Variants in NCOR2 observed in about 807,000 individuals in gnomAD.
The protein encoded by NCOR2 is CTG repeat protein 26.
A neutral mutation model predicts 262.9 loss-of-function variants in NCOR2; 81 were observed. The ratio of observed to expected loss-of-function variants is 0.31; its 90% CI spans 0.26 to 0.37. NCOR2 has a LOEUF of 0.37. Ranked by LOEUF, NCOR2 falls within the 10% of genes least tolerant of loss-of-function variation. The pLI is 1.00. For missense variants in NCOR2, 3,385 were observed against 3,621.4 expected (o/e 0.93, Z 1.68); for synonymous variants, 1,659 against 1,559.3 (o/e 1.06, Z -1.51).
At chr12:124,473,180 C>G (rs749233005) in intron 3 of NCOR2, 49 bp from the exon 6 acceptor site, 1 of 1,601,266 alleles carries the variant, frequency 6.2e-7, no homozygotes, top group Admixed American at 1.7e-5. Context: ...GGACACCCCC[C>G]AGTCTGTACA....
chr12:124,325,377 G>GCCCCCGGC, exon 47 of NCOR2: 1 of 246,786 alleles, frequency 4.1e-6, no homozygotes, highest in Non-Finnish European at 6.6e-6. Flanking sequence ...ACCTGACACC[G>GCCCCCGGC]CCCCCCCCCC....
rs140020991 is a variant in NCOR2 at position 124,503,755 on chromosome 12, C to CATGGATGG, written c.-117-8395_-117-8388dup. Among the ~76,000 whole-genome samples, 2 of 146,658 alleles carry CATGGATGG rather than the reference C, an allele frequency of 1.4e-5. No homozygotes were observed. Among genetic ancestry groups the CATGGATGG allele is most frequent in the Admixed American group, 6.8e-5 (1 of 14,808 alleles). On this transcript the variant is annotated intron_variant, in intron 1 of 46. Coordinates refer to the NCOR2 transcript ENST00000404621. The surrounding 1 kb of genome is among the most constrained non-coding windows in gnomAD (Gnocchi z 4.3). ...GGATGGACGGATGGATGCATGGATG[C>CATGGATGG]ATGGATGGATGGATGGATGGATGGG...
intron 1 of NCOR2, among the ~76,000 whole-genome samples, chr12:124,560,247 C>T (rs984826129): frequency 2.0e-5 from 3 of 152,230 alleles, no homozygotes; most frequent in African/African-American, 7.2e-5. Context: ...GTTCTGTAGG[C>T]CTTCCAGCCT....
At chr12:124,558,273 C>CG (rs1361718143) in intron 1 of NCOR2, among the ~76,000 whole-genome samples, 2 of 151,124 alleles carry the variant, frequency 1.3e-5, no homozygotes, top group African/African-American at 4.9e-5. Flanking sequence ...CCCACCCCCC[C>CG]TCCAGACCTG....
At chr12:124,453,387 G>C (rs2045664783) in intron 6 of NCOR2, among the ~76,000 whole-genome samples, 1 of 152,170 alleles carries the variant, frequency 6.6e-6, no homozygotes, top group Non-Finnish European at 1.5e-5. Flanking sequence ...GGTGGTAGGG[G>C]CGGCACCCAG....
chr12:124,401,161 T>C (rs1016239525), intron 14 of NCOR2, among the ~76,000 whole-genome samples: 14 of 150,142 alleles, frequency 9.3e-5, no homozygotes, highest in African/African-American at 3.4e-4. Context: ...CAGTGAGCCA[T>C]GATTATACCA....
intron 1 of NCOR2, among the ~76,000 whole-genome samples, chr12:124,562,630 A>G (rs1184683659): frequency 6.6e-6 from 1 of 152,238 alleles, no homozygotes; most frequent in African/African-American, 2.4e-5. Context: ...CTCAACCGTC[A>G]AGGGCAGAGG....
chr12:124,490,044 G>A (rs1222796864), intron 1 of NCOR2, among the ~76,000 whole-genome samples: 2 of 152,210 alleles, frequency 1.3e-5, no homozygotes, highest in Non-Finnish European at 2.9e-5. Flanking sequence ...CCTAGACCCT[G>A]GCTGCATTCA....
intron 35 of NCOR2, 46 bp downstream of exon 37, chr12:124,340,556 C>T: frequency 1.3e-6 from 2 of 1,520,462 alleles, no homozygotes; most frequent in Non-Finnish European, 1.8e-6. Flanking sequence ...CCAGCCGCCT[C>T]CCATGGATGC....
At chr12:124,410,938 T>G (rs1184961568) in intron 13 of NCOR2, among the ~76,000 whole-genome samples, 1 of 126,988 alleles carries the variant, frequency 7.9e-6, no homozygotes, top group African/African-American at 3.0e-5. Context: ...GGGGCTGTAG[T>G]GGGAGGGAGG....
intron 1 of NCOR2, among the ~76,000 whole-genome samples, chr12:124,509,765 C>T (rs1713115870): frequency 6.6e-6 from 1 of 152,178 alleles, no homozygotes; most frequent in South Asian, 2.1e-4. Context: ...CTGTCAGTGG[C>T]TCTCATGGGT....
At chr12:124,327,654 G>A in intron 44 of NCOR2, 21 bp from the exon 47 acceptor site, 1 of 1,584,644 alleles carries the variant, frequency 6.3e-7, no homozygotes, top group Non-Finnish European at 8.6e-7. Context: ...GAGACAGACA[G>A]ACAGACAGAC....
intron 1 of NCOR2, among the ~76,000 whole-genome samples, chr12:124,500,992 G>A (rs1423701654): frequency 1.3e-5 from 2 of 152,066 alleles, no homozygotes; most frequent in East Asian, 1.9e-4. Context: ...TGGCAGGTGG[G>A]GGAGCCTCGG....
At chr12:124,544,876 G>T (rs550458329) in intron 1 of NCOR2, among the ~76,000 whole-genome samples, 2 of 152,064 alleles carry the variant, frequency 1.3e-5, no homozygotes, top group Non-Finnish European at 2.9e-5. Context: ...CAACTTCGCA[G>T]AGGCAGTTTC....
At chr12:124,327,510 C>T in exon 45 of NCOR2, 2 of 1,613,870 alleles carry the variant, frequency 1.2e-6, no homozygotes, top group Non-Finnish European at 1.7e-6. Flanking sequence ...AGCATTGGCG[C>T]TGAGCGGCGG....
At chr12:124,377,038 T>C (rs2040059565) in intron 18 of NCOR2, among the ~76,000 whole-genome samples, 3 of 151,638 alleles carry the variant, frequency 2.0e-5, no homozygotes, top group Admixed American at 2.0e-4. Flanking sequence ...AGGCACAGGG[T>C]GGGGGTCGAA....
chr12:124,540,168 G>C (rs2051246912), upstream of NCOR2, among the ~76,000 whole-genome samples: 1 of 150,784 alleles, frequency 6.6e-6, no homozygotes, highest in Admixed American at 6.6e-5. Flanking sequence ...TGATTGCAAA[G>C]AGTGGCCCCT....
intron 6 of NCOR2, among the ~76,000 whole-genome samples, chr12:124,451,485 T>C (rs765067036): frequency 1.3e-5 from 2 of 152,228 alleles, no homozygotes; most frequent in Non-Finnish European, 2.9e-5. Flanking sequence ...TGAGCCTGAA[T>C]GACAGCCCGC....
intron 1 of NCOR2, among the ~76,000 whole-genome samples, chr12:124,515,481 T>A (rs1382959571): frequency 6.6e-6 from 1 of 151,934 alleles, no homozygotes; most frequent in Non-Finnish European, 1.5e-5. Context: ...CGACAATTCA[T>A]CATCCATATC....
Sources: gnomAD v4.1 joint callset for allele counts (sites outside exome capture counted in the v4.1 genomes callset) on GRCh38, gnomAD v4.1.1 for gene constraint, Gnocchi (gnomAD v3.1) non-coding constraint, MANE v1.5 for transcripts, NCBI Gene and HGNC (gene_info 2026-07-23, HGNC 2026-07-21) for gene names.